The following DSCAML1 variants were observed in gnomAD, a reference collection of about 807,000 sequenced individuals.
The protein encoded by DSCAML1 is DS cell adhesion molecule like 1, also known as cell adhesion molecule DSCAML1.
DSCAML1 carries 38 observed loss-of-function variants against 200.5 expected under a neutral mutation model. The observed-to-expected ratio is 0.19, with a 90% CI of 0.15 to 0.25. The LOEUF is 0.25. Ranked by LOEUF, DSCAML1 falls within the 10% of genes least tolerant of loss-of-function variation. The pLI is 1.00. For synonymous variants in DSCAML1, 1,215 were observed against 1,165.0 expected (o/e 1.04, Z -0.87); for missense variants, 2,223 against 2,858.8 (o/e 0.78, Z 5.07).
chr11:117,608,355 A>T (rs1330976014), intron 3 of DSCAML1, among the ~76,000 whole-genome samples: 1 of 152,204 alleles, frequency 6.6e-6, no homozygotes. Flanking sequence ...ATGGAAACAT[A>T]TTGAAAATTA....
chr11:117,432,224 T>C, intron 30 of DSCAML1, 128 bp downstream of exon 30: 1 of 1,132,358 alleles, frequency 8.8e-7, no homozygotes, highest in African/African-American at 1.6e-5. Context: ...ATTCCAGTGC[T>C]TTCCATTTTT....
At position 117,480,534 on chromosome 11, in the gene DSCAML1, C is replaced by G. The variant is rs770940022; in HGVS notation, c.2694G>C (p.Val898=). The G allele has an allele frequency of 6.3e-7, 1 of 1,584,198 alleles. No homozygotes were observed. Among genetic ancestry groups the G allele is most frequent in the South Asian group, 1.2e-5 (1 of 86,878 alleles). ...PDPPELEIRE[V]KARSMNLRWT... is the part of the protein sequence containing the mutation. ...AGCGCAGGTTCATGCTCCGGGCCTTCACCTCCCGGATCTCCAGCTCTGGGG... is the reference window on the plus strand; with the variant it reads ...AGCGCAGGTTCATGCTCCGGGCCTTGACCTCCCGGATCTCCAGCTCTGGGG... The change falls in exon 14 of 33, where the codon GTG becomes GTC. Residue 898 remains valine, a synonymous_variant. Transcript: ENST00000651296. This position sits in a 1 kb window ranked among gnomAD's most constrained non-coding sequence, Gnocchi z 4.1.
chr11:117,774,979 G>C (rs2055106313), intron 3 of DSCAML1, among the ~76,000 whole-genome samples: 1 of 152,116 alleles, frequency 6.6e-6, no homozygotes, highest in Admixed American at 6.5e-5. Context: ...AAATTTTAAT[G>C]CAATAATTAT....
Position 117,708,252 on chromosome 11 carries a change from A to G in DSCAML1, c.511+68539T>C, listed in dbSNP as rs1455762195. ...TCCGAAGCTACAGCTCTGTCACAGC[A>G]TCCTCATCCCCATTAGGAGAGTGGC... On this transcript the variant is annotated intron_variant, in intron 3 of 32. Transcript: ENST00000651296. Among the ~76,000 whole-genome samples, 7 of 152,312 alleles carry G rather than the reference A, an allele frequency of 4.6e-5. No individual in the cohort carries two copies. The East Asian group carries it at 9.6e-4, about 21-fold the overall frequency.
chr11:117,576,064 C>G (rs987227106), intron 3 of DSCAML1, among the ~76,000 whole-genome samples: 5 of 152,026 alleles, frequency 3.3e-5, no homozygotes, highest in African/African-American at 1.2e-4. Context: ...CTTTTTCCAC[C>G]AGCGAGGCTC....
chr11:117,784,566 C>T (rs1186237068), intron 1 of DSCAML1, among the ~76,000 whole-genome samples: 1 of 152,148 alleles, frequency 6.6e-6, no homozygotes, highest in Non-Finnish European at 1.5e-5. Context: ...CTAACTCTGG[C>T]CTCACAGAGT....
intron 3 of DSCAML1, 37 bp from the exon 4 acceptor site, chr11:117,532,559 G>T: frequency 6.3e-7 from 1 of 1,596,626 alleles, no homozygotes; most frequent in Non-Finnish European, 8.5e-7. Context: ...GTTACTTCCC[G>T]GTTTCGTACA....
At chr11:117,738,477 C>T (rs545014578) in intron 3 of DSCAML1, among the ~76,000 whole-genome samples, 3 of 152,074 alleles carry the variant, frequency 2.0e-5, no homozygotes, top group Non-Finnish European at 4.4e-5. Flanking sequence ...CATGCTTCCT[C>T]CTCACCAGCT....
intron 3 of DSCAML1, among the ~76,000 whole-genome samples, chr11:117,560,166 T>C (rs2050635378): frequency 6.6e-6 from 1 of 152,156 alleles, no homozygotes; most frequent in Non-Finnish European, 1.5e-5. Context: ...AAGGTCTGCA[T>C]TTTATTAGTG....
At chr11:117,712,391 G>A (rs564190837) in intron 3 of DSCAML1, among the ~76,000 whole-genome samples, 2 of 152,106 alleles carry the variant, frequency 1.3e-5, no homozygotes, top group Non-Finnish European at 2.9e-5. Flanking sequence ...GCAAAAGCAA[G>A]CTCCTGCTAT....
intron 24 of DSCAML1, 82 bp from the exon 25 acceptor site, chr11:117,438,165 G>A: frequency 7.2e-7 from 1 of 1,393,574 alleles, no homozygotes; most frequent in Non-Finnish European, 9.8e-7. Context: ...CCAACAGGGG[G>A]CTGGGCTCCA....
intron 3 of DSCAML1, among the ~76,000 whole-genome samples, chr11:117,749,550 A>G (rs540807997): frequency 4.2e-4 from 64 of 152,332 alleles, no homozygotes; most frequent in African/African-American, 1.3e-3. Context: ...GCAGCAGACA[A>G]CAGCACCAGG....
rs1442526132 is a variant in DSCAML1 at position 117,767,549 on chromosome 11, G to A, written c.511+9242C>T. On this transcript the variant is annotated intron_variant, in intron 3 of 32. Transcript: ENST00000651296. ...GGTAGGATTTTCTCCACACTTCAAGGAAGAATACAAGATGTCTGAGTCCGA... is the reference window on the plus strand; with the variant it reads ...GGTAGGATTTTCTCCACACTTCAAGAAAGAATACAAGATGTCTGAGTCCGA... Among the ~76,000 whole-genome samples the A allele has an allele frequency of 2.0e-5, 3 of 152,182 alleles. No homozygotes were observed. The East Asian group carries it at 5.8e-4, about 29-fold the overall frequency.
chr11:117,700,159 G>A (rs900371705), intron 3 of DSCAML1, among the ~76,000 whole-genome samples: 9 of 152,180 alleles, frequency 5.9e-5, no homozygotes, highest in East Asian at 1.9e-4. Context: ...GGTGCCTGGC[G>A]ACTGCCCAGT....
At chr11:117,486,911 CTTTTTTTTTT>C (rs56805170) in intron 11 of DSCAML1, among the ~76,000 whole-genome samples, 103 of 79,646 alleles carry the variant, frequency 1.3e-3, no homozygotes, top group African/African-American at 4.6e-3. Context: ...TGTAAAATAC[CTTTTTTTTTT>C]TTTTTTTTTT....
intron 3 of DSCAML1, among the ~76,000 whole-genome samples, chr11:117,720,233 T>G (rs1039480178): frequency 5.3e-5 from 8 of 152,188 alleles, no homozygotes; most frequent in African/African-American, 1.9e-4. Flanking sequence ...GCAATTTTCC[T>G]TTTTACTTAT....
At chr11:117,684,911 T>C (rs1047719773) in intron 3 of DSCAML1, among the ~76,000 whole-genome samples, 2 of 152,208 alleles carry the variant, frequency 1.3e-5, no homozygotes, top group African/African-American at 4.8e-5. Context: ...CTTCTTCAAG[T>C]AGCCAAAGTG....
rs2048263037 is a variant in DSCAML1 at position 117,450,438 on chromosome 11, C to T, written c.3708+111G>A. The T allele has an allele frequency of 4.9e-6, 7 of 1,435,664 alleles. No individual in the cohort carries two copies. The South Asian group carries it at 9.6e-5, about 20-fold the overall frequency. 88.9% of individuals were successfully genotyped at this position (1,435,664 alleles called of 1,614,324 possible). On this transcript the variant is annotated intron_variant, in intron 20 of 32. Transcript: ENST00000651296. ...CCCCATTCTTATCTATGAATCCAGG[C>T]AGAAGCTCAGATACAGGCAGCCTCA...
chr11:117,778,087 G>T (rs1333092458), intron 2 of DSCAML1, among the ~76,000 whole-genome samples: 1 of 152,224 alleles, frequency 6.6e-6, no homozygotes, highest in Non-Finnish European at 1.5e-5. Flanking sequence ...ATCATCAAGA[G>T]TCTCTTAATT....
Sources: gnomAD v4.1 joint callset for allele counts (sites outside exome capture counted in the v4.1 genomes callset) on GRCh38, gnomAD v4.1.1 for gene constraint, Gnocchi (gnomAD v3.1) non-coding constraint, MANE v1.5 for transcripts, NCBI Gene and HGNC (gene_info 2026-07-23, HGNC 2026-07-21) for gene names.